Variants in LDB2 observed in about 807,000 individuals in gnomAD.
LDB2 encodes LIM domain binding 2.
LDB2 carries 12 observed loss-of-function variants against 44.3 expected under a neutral mutation model. The observed-to-expected ratio is 0.27, with a 90% CI of 0.17 to 0.44. The LOEUF (loss-of-function observed/expected upper bound fraction) is 0.44. Among genes scored for constraint, LDB2 ranks in the 20% least tolerant of loss-of-function variants. LDB2 has a pLI of 1.00. For synonymous variants in LDB2, 164 were observed against 174.8 expected (o/e 0.94, Z 0.49); for missense variants, 344 against 473.5 (o/e 0.73, Z 2.54).
chr4:16,839,678 A>G (rs1785517093), intron 1 of LDB2, among the ~76,000 whole-genome samples: 2 of 152,082 alleles, frequency 1.3e-5, no homozygotes, highest in South Asian at 4.2e-4. Flanking sequence ...TAATGGTAGA[A>G]CAGTGATATG....
At chr4:16,573,150 A>T (rs1487331843) in intron 5 of LDB2, among the ~76,000 whole-genome samples, 1 of 152,200 alleles carries the variant, frequency 6.6e-6, no homozygotes, top group Admixed American at 6.5e-5. Context: ...ATGGATTTGT[A>T]TGTGTAAAAA....
At chr4:16,570,462 C>CAAA (rs71181175) in intron 5 of LDB2, among the ~76,000 whole-genome samples, 521 of 16,604 alleles carry the variant, frequency 0.031, 209 homozygotes, top group Non-Finnish European at 0.069. Context: ...GACTCTGTCT[C>CAAA]AAAAAAAAAA....
rs767884240 is a variant in LDB2, at chr4:16,502,621, G to A, written c.*22C>T. On this transcript the variant is annotated 3_prime_UTR_variant, in exon 8 of 8. Transcript: ENST00000304523. Reference sequence around the variant, plus strand: ...ATGATCACCCACGGGCCTATTGACAGTGGATTCTGGTGCCGATCATCTTAT... The same window carrying A: ...ATGATCACCCACGGGCCTATTGACAATGGATTCTGGTGCCGATCATCTTAT... The A allele has an allele frequency of 3.1e-6, 5 of 1,611,786 alleles. No homozygotes were observed. Among genetic ancestry groups the A allele is most frequent in the Non-Finnish European group, 4.2e-6 (5 of 1,177,958 alleles).
At chr4:16,612,214 A>C (rs1725857031) in intron 2 of LDB2, among the ~76,000 whole-genome samples, 1 of 152,178 alleles carries the variant, frequency 6.6e-6, no homozygotes, top group Admixed American at 6.5e-5. Context: ...CAGCTAAAGC[A>C]GTGTTAAGAG....
chr4:16,596,839 G>A (rs1721075956), intron 2 of LDB2, among the ~76,000 whole-genome samples: 1 of 152,036 alleles, frequency 6.6e-6, no homozygotes, highest in Admixed American at 6.6e-5. Flanking sequence ...CCTTTTTTCA[G>A]CAGCGATTTG....
chr4:16,836,307 T>C (rs1476776360), intron 1 of LDB2, among the ~76,000 whole-genome samples: 2 of 152,204 alleles, frequency 1.3e-5, no homozygotes, highest in African/African-American at 4.8e-5. Flanking sequence ...TCTGCACTGA[T>C]TAAAAGTTTG....
intron 1 of LDB2, among the ~76,000 whole-genome samples, chr4:16,771,173 T>C (rs1348014661): frequency 6.6e-6 from 1 of 152,100 alleles, no homozygotes; most frequent in Non-Finnish European, 1.5e-5. Flanking sequence ...TGGAGGACTG[T>C]GCCAGGACCA....
intron 2 of LDB2, among the ~76,000 whole-genome samples, chr4:16,699,705 T>C (rs1330998609): frequency 1.3e-5 from 2 of 152,072 alleles, no homozygotes; most frequent in Non-Finnish European, 2.9e-5. Flanking sequence ...AGGAAGAAAA[T>C]GCCAAAGATA....
At chr4:16,662,764 C>A (rs1477163140) in intron 2 of LDB2, among the ~76,000 whole-genome samples, 1 of 151,798 alleles carries the variant, frequency 6.6e-6, no homozygotes, top group Non-Finnish European at 1.5e-5. Context: ...CGTCTTTGTT[C>A]CTCGTTTGAC....
chr4:16,711,368 A>G (rs1474418455), intron 2 of LDB2, among the ~76,000 whole-genome samples: 1 of 152,252 alleles, frequency 6.6e-6, no homozygotes, highest in Non-Finnish European at 1.5e-5. Context: ...GTGCTCAAAG[A>G]AGGTAAAGCA....
At chr4:16,818,837 A>G (rs997834251) in intron 1 of LDB2, among the ~76,000 whole-genome samples, 14 of 152,294 alleles carry the variant, frequency 9.2e-5, no homozygotes, top group Non-Finnish European at 1.9e-4. Flanking sequence ...GTTAACTATC[A>G]CACTCAATTT....
At chr4:16,713,217 TG>T (rs1216527717) in intron 2 of LDB2, among the ~76,000 whole-genome samples, 2 of 152,246 alleles carry the variant, frequency 1.3e-5, no homozygotes, top group African/African-American at 4.8e-5. Flanking sequence ...ATGTGCAGTC[TG>T]GGTCTTACTG....
intron 5 of LDB2, among the ~76,000 whole-genome samples, chr4:16,576,222 G>GAAAT (rs1283677166): frequency 2.6e-5 from 4 of 151,634 alleles, no homozygotes; most frequent in Non-Finnish European, 5.9e-5. Context: ...ATTTCTAGAA[G>GAAAT]AAATAACAAA....
chr4:16,557,939 T>C (rs1192679990), intron 5 of LDB2, among the ~76,000 whole-genome samples: 3 of 152,242 alleles, frequency 2.0e-5, no homozygotes, highest in Non-Finnish European at 2.9e-5. Context: ...ACACCGCTGC[T>C]GATACCCAGG....
chr4:16,864,961 C>T lies in LDB2; in HGVS notation c.132+33393G>A, dbSNP rs145719534. On this transcript the variant is annotated intron_variant, in intron 1 of 7. Transcript: ENST00000304523. ...AACAAAAATAGTCCATACCATATACCGGCCAGGCGCGGTGTGGCTCACACC... is the reference window on the plus strand; with the variant it reads ...AACAAAAATAGTCCATACCATATACTGGCCAGGCGCGGTGTGGCTCACACC... 3.2e-3 allele frequency among the ~76,000 whole-genome samples: 486 copies of T among 151,642 alleles called. 2 individuals are homozygous for T. The highest frequency in any genetic ancestry group is 0.01 in the African/African-American group (419 of 41,406).
chr4:16,816,390 T>C (rs1268848735), intron 1 of LDB2, among the ~76,000 whole-genome samples: 1 of 150,866 alleles, frequency 6.6e-6, no homozygotes, highest in Non-Finnish European at 1.5e-5. Flanking sequence ...TTTTTAGTTC[T>C]TATTTTCTTT....
intron 5 of LDB2, among the ~76,000 whole-genome samples, chr4:16,544,590 C>T (rs565363052): frequency 9.2e-5 from 14 of 152,152 alleles, no homozygotes; most frequent in East Asian, 7.7e-4. Flanking sequence ...GTTTTGGATC[C>T]GGAGCATGGT....
chr4:16,887,617 GATCAA>G (rs1722125823), intron 1 of LDB2, among the ~76,000 whole-genome samples: 1 of 151,688 alleles, frequency 6.6e-6, no homozygotes. Context: ...TCAATATTGA[GATCAA>G]ATCTTCACGA....
intron 7 of LDB2, chr4:16,503,219 G>A: frequency 2.9e-6 from 4 of 1,357,614 alleles, no homozygotes; most frequent in South Asian, 2.5e-5. Context: ...GAGGGCTGTG[G>A]AACCTTCTGC....
Sources: gnomAD v4.1 joint callset for allele counts (sites outside exome capture counted in the v4.1 genomes callset) on GRCh38, gnomAD v4.1.1 for gene constraint, MANE v1.5 for transcripts, NCBI Gene and HGNC (gene_info 2026-07-23, HGNC 2026-07-21) for gene names.